The following ZDHHC2 variants were observed in gnomAD, a reference collection of about 807,000 sequenced individuals.
ZDHHC2 encodes the protein zDHHC palmitoyltransferase 2, also known as palmitoyltransferase ZDHHC2.
In ZDHHC2, 51 loss-of-function variants were observed where a neutral mutation model predicts 55.6. That is an observed-to-expected ratio of 0.92 (90% CI 0.73 to 1.16). The LOEUF (loss-of-function observed/expected upper bound fraction) is 1.16. ZDHHC2 is among the 50% of genes most tolerant of loss of function. ZDHHC2 has a pLI of 0.00. For missense variants in ZDHHC2, 491 were observed against 442.4 expected (o/e 1.11, Z -0.99); for synonymous variants, 199 against 152.9 (o/e 1.30, Z -2.22).
rs1271138747 is a variant in ZDHHC2 at position 17,202,892 on chromosome 8, T to TA, written c.477-2760dup. Among the ~76,000 whole-genome samples, 6 of 152,092 alleles carry TA rather than the reference T, an allele frequency of 3.9e-5. No homozygotes were observed. The South Asian group carries it at 8.3e-4, about 21-fold the overall frequency. On this transcript the variant is annotated intron_variant, in intron 6 of 12. Transcript: ENST00000262096. ...ATTTTACCATCCCCTCAAGCAAAGC[T>TA]AAATTAGTTGTTACAAAATCTGTGA...
chr8:17,216,302 A>C (rs1014370491), intron 11 of ZDHHC2, among the ~76,000 whole-genome samples: 13 of 152,230 alleles, frequency 8.5e-5, no homozygotes, highest in Non-Finnish European at 1.8e-4. Context: ...GATGATCCTG[A>C]GTAAATATTC....
chr8:17,178,275 G>A (rs1290574021), intron 1 of ZDHHC2, among the ~76,000 whole-genome samples: 2 of 152,244 alleles, frequency 1.3e-5, no homozygotes, highest in South Asian at 4.2e-4. Flanking sequence ...GGTAAAAAAT[G>A]TACGAGTGGA....
intron 12 of ZDHHC2, among the ~76,000 whole-genome samples, chr8:17,217,873 T>G (rs895252100): frequency 6.6e-6 from 1 of 152,156 alleles, no homozygotes; most frequent in East Asian, 1.9e-4. Flanking sequence ...AAAGCTACAA[T>G]AAGGAACCCC....
intron 3 of ZDHHC2, among the ~76,000 whole-genome samples, chr8:17,193,868 A>G (rs1806170040): frequency 6.6e-6 from 1 of 152,154 alleles, no homozygotes; most frequent in South Asian, 2.1e-4. Context: ...TGCTGCACCC[A>G]TCAACCCCAT....
intron 6 of ZDHHC2, among the ~76,000 whole-genome samples, chr8:17,200,831 G>T (rs1258708181): frequency 1.3e-5 from 2 of 152,142 alleles, no homozygotes; most frequent in African/African-American, 4.8e-5. Flanking sequence ...TCCACCCTTA[G>T]GTGGCAGTGT....
At chr8:17,196,581 T>TAA (rs111516017) in intron 4 of ZDHHC2, among the ~76,000 whole-genome samples, 4 of 142,736 alleles carry the variant, frequency 2.8e-5, no homozygotes, top group African/African-American at 1.0e-4. Flanking sequence ...AAAAAATGTT[T>TAA]AAAAAAAAAA....
At position 17,222,994 on chromosome 8, in the gene ZDHHC2, A is replaced by G. The variant is rs1278828966; in HGVS notation, c.*2773A>G. 5 of 151,948 alleles carry G rather than the reference A, an allele frequency of 3.3e-5. No individual in the cohort carries two copies. The East Asian group carries it at 5.8e-4, about 18-fold the overall frequency. The allele number at this position is 151,948 out of a possible 1,614,324, so 9.4% of individuals were successfully genotyped here. A position where few individuals can be genotyped will look rare whatever the true frequency, so the allele number is the denominator to read the frequency against. ...AATAGACAACTATTGGAAATATGGC[A>G]TATGTTGACAAACACTTAACTAGGG... On this transcript the variant is annotated 3_prime_UTR_variant, in exon 13 of 13. Coordinates refer to ENST00000262096, the MANE Select transcript of ZDHHC2 (RefSeq NM_016353.5).
chr8:17,159,187 G>C (rs1401550650), intron 1 of ZDHHC2, among the ~76,000 whole-genome samples: 1 of 152,148 alleles, frequency 6.6e-6, no homozygotes, highest in Non-Finnish European at 1.5e-5. Flanking sequence ...CACAGACAAA[G>C]CAAATGGAAA....
rs1563161356 is a variant in ZDHHC2 at position 17,199,558 on chromosome 8, C to CT, written c.476+1145_476+1146insT. On this transcript the variant is annotated intron_variant, in intron 6 of 12. Transcript: ENST00000262096. ...TGTCTTCGTCTTCTGTCTTCGTCTT[C>CT]GTCTTCTTCGTCTTTGTCTTCTTCT... Among the ~76,000 whole-genome samples, 168 of 80,152 alleles carry CT rather than the reference C, an allele frequency of 2.1e-3. 6 individuals carry two copies. The highest frequency in any genetic ancestry group is 7.2e-3 in the Middle Eastern group (1 of 138). 52.6% of individuals were successfully genotyped at this position (80,152 alleles called of 152,430 possible). A position where few individuals can be genotyped will look rare whatever the true frequency, so the allele number is the denominator to read the frequency against.
intron 6 of ZDHHC2, among the ~76,000 whole-genome samples, chr8:17,203,136 T>C (rs1445111182): frequency 6.7e-6 from 1 of 148,430 alleles, no homozygotes; most frequent in African/African-American, 2.5e-5. Context: ...CTTGGCTCAC[T>C]GCAGCCTCTG....
At position 17,156,696 on chromosome 8, in the gene ZDHHC2, G is replaced by C; in HGVS notation, c.-28G>C. On this transcript the variant is annotated 5_prime_UTR_variant, in exon 1 of 13. Transcript: ENST00000262096. ...GGAGCCAGGCCCGCGGGCGGCGGCG[G>C]AGCTGGGCAGGTGGATGCGGCTGGA... The C allele has an allele frequency of 1.4e-6, 2 of 1,380,062 alleles. No individual in the cohort carries two copies. Among genetic ancestry groups the C allele is most frequent in the Non-Finnish European group, 1.9e-6 (2 of 1,061,216 alleles). 85.5% of individuals were successfully genotyped at this position (1,380,062 alleles called of 1,614,324 possible).
intron 6 of ZDHHC2, among the ~76,000 whole-genome samples, chr8:17,199,579 CTTCTTCTTCTTTCTTCTTCTTT>C (rs1563161492): frequency 1.8e-4 from 7 of 39,046 alleles, no homozygotes; most frequent in Non-Finnish European, 6.0e-4. Flanking sequence ...TCTTTGTCTT[CTTCTTCTTCTTTCTTCTTCTTT>C]ATTCTTTCTT....
chr8:17,186,311 T>G lies in ZDHHC2; in HGVS notation c.158-20T>G, dbSNP rs749332554. ...ATGTATTTGCATATTATAATGATAA[T>G]TATGTTTTTCTCATTTTAGTTGTGT... On this transcript the variant is annotated intron_variant, in intron 2 of 12. Transcript: ENST00000262096. The G allele has an allele frequency of 1.6e-5, 24 of 1,496,986 alleles. No homozygotes were observed. The South Asian group carries it at 2.5e-4, about 16-fold the overall frequency. The allele number at this position is 1,496,986 out of a possible 1,614,324, so 92.7% of individuals were successfully genotyped here. A position where few individuals can be genotyped will look rare whatever the true frequency, so the allele number is the denominator to read the frequency against.
chr8:17,159,858 C>T (rs1047222222), intron 1 of ZDHHC2, among the ~76,000 whole-genome samples: 4 of 152,130 alleles, frequency 2.6e-5, no homozygotes, highest in African/African-American at 9.7e-5. Context: ...CCATCCTTTC[C>T]TTCTCTTACC....
intron 7 of ZDHHC2, among the ~76,000 whole-genome samples, chr8:17,206,935 C>T (rs1479089177): frequency 1.3e-5 from 2 of 152,122 alleles, no homozygotes; most frequent in Non-Finnish European, 2.9e-5. Context: ...CATAGAAAGA[C>T]ATGAGTGAAG....
chr8:17,182,065 C>T (rs1314267173), intron 1 of ZDHHC2, among the ~76,000 whole-genome samples: 1 of 152,064 alleles, frequency 6.6e-6, no homozygotes, highest in Non-Finnish European at 1.5e-5. Context: ...CATTCATTTC[C>T]TGAGTATCAC....
At chr8:17,201,742 C>T (rs548667633) in intron 6 of ZDHHC2, among the ~76,000 whole-genome samples, 4 of 151,484 alleles carry the variant, frequency 2.6e-5, no homozygotes, top group South Asian at 2.1e-4. Flanking sequence ...GTGATCCACC[C>T]GCCTCAGCCT....
intron 10 of ZDHHC2, among the ~76,000 whole-genome samples, chr8:17,214,289 G>T (rs1297775135): frequency 6.6e-6 from 1 of 152,104 alleles, no homozygotes; most frequent in African/African-American, 2.4e-5. Context: ...TCCCCAGACT[G>T]AACATTGGGT....
intron 4 of ZDHHC2, 143 bp downstream of exon 4, chr8:17,195,767 T>A (rs535053572): frequency 8.7e-7 from 1 of 1,148,674 alleles, no homozygotes; most frequent in East Asian, 2.5e-5. Context: ...GTTAAATCTT[T>A]CCTGTGTGAT....
Sources: gnomAD v4.1 joint callset for allele counts (sites outside exome capture counted in the v4.1 genomes callset) on GRCh38, gnomAD v4.1.1 for gene constraint, MANE v1.5 for transcripts, NCBI Gene and HGNC (gene_info 2026-07-23, HGNC 2026-07-21) for gene names.